The following MLX variants were observed in gnomAD, a reference collection of about 807,000 sequenced individuals.
MLX encodes the protein MAX dimerization protein MLX, also known as max-like protein X.
MLX carries 15 observed loss-of-function variants against 33.0 expected under a neutral mutation model. The observed-to-expected ratio is 0.45, with a 90% CI of 0.30 to 0.70. The LOEUF (loss-of-function observed/expected upper bound fraction) is 0.70. MLX is among the 30% of genes least tolerant of loss of function. The probability of loss-of-function intolerance (pLI) is 0.07; values close to 1 mark genes in which losing one functional copy is unlikely to be tolerated. For synonymous variants in MLX, 115 were observed against 115.6 expected (o/e 0.99, Z 0.03); for missense variants, 285 against 306.3 (o/e 0.93, Z 0.52).
In MLX at chr17:42,572,878, A is replaced by T; in HGVS notation, c.*1275A>T. On this transcript the variant is annotated 3_prime_UTR_variant, in exon 8 of 8. Coordinates refer to ENST00000435881, the MANE Select transcript of MLX (RefSeq NM_198204.2). ...AAAGGTGAAAGTAGCAGGAACAACAACAAAAGCCAACCAAAAACAAGGTAG... is the reference window on the plus strand; with the variant it reads ...AAAGGTGAAAGTAGCAGGAACAACATCAAAAGCCAACCAAAAACAAGGTAG... The T allele has an allele frequency of 6.7e-7, 1 of 1,488,576 alleles. No individual in the cohort carries two copies. Among genetic ancestry groups the T allele is most frequent in the Non-Finnish European group, 9.4e-7 (1 of 1,068,552 alleles). 92.2% of individuals were successfully genotyped at this position (1,488,576 alleles called of 1,614,324 possible).
intron 7 of MLX, 39 bp downstream of exon 7, chr17:42,570,222 C>G (rs562319813): frequency 1.2e-6 from 2 of 1,601,348 alleles, no homozygotes; most frequent in African/African-American, 2.7e-5. Context: ...GCGGTTTTCT[C>G]TACCATCAAG....
rs753204781 is a variant in MLX at position 42,572,818 on chromosome 17, C to G, written c.*1215C>G. The G allele has an allele frequency of 1.1e-6, 1 of 921,814 alleles. No homozygotes were observed. Among genetic ancestry groups the G allele is most frequent in the South Asian group, 1.4e-5 (1 of 72,502 alleles). The allele number at this position is 921,814 out of a possible 1,614,324, so 57.1% of individuals were successfully genotyped here. A position where few individuals can be genotyped will look rare whatever the true frequency, so the allele number is the denominator to read the frequency against. On this transcript the variant is annotated 3_prime_UTR_variant, in exon 8 of 8. Coordinates refer to ENST00000435881, the MANE Select transcript of MLX (RefSeq NM_198204.2). ...CAGCCCTCATCCTCTCTACCCAGTGCTCTGGTTTATGCTTGTCTCCTGACT... is the reference window on the plus strand; with the variant it reads ...CAGCCCTCATCCTCTCTACCCAGTGGTCTGGTTTATGCTTGTCTCCTGACT...
At position 42,572,045 on chromosome 17, in the gene MLX, C is replaced by T. The variant is rs2093035655; in HGVS notation, c.*442C>T. 1 of 253,212 alleles carries T rather than the reference C, an allele frequency of 3.9e-6. No homozygotes were observed. The highest frequency in any genetic ancestry group is 7.8e-6 in the Non-Finnish European group (1 of 127,478). 15.7% of individuals were successfully genotyped at this position (253,212 alleles called of 1,614,324 possible). ...TTTGGCCCAAGTTTGGGCATTTTGG[C>T]AGTAGCTGTATGGGAGAAAAAGAGT... On this transcript the variant is annotated 3_prime_UTR_variant, in exon 8 of 8. Coordinates refer to ENST00000435881, the MANE Select transcript of MLX (RefSeq NM_198204.2).
chr17:42,570,198 T>A lies in MLX; in HGVS notation c.678+15T>A. 1 of 1,612,456 alleles carries A rather than the reference T, an allele frequency of 6.2e-7. No individual in the cohort carries two copies. Among genetic ancestry groups the A allele is most frequent in the East Asian group, 2.2e-5 (1 of 44,896 alleles). Reference sequence around the variant, plus strand: ...GTAAGCCTCAGGTATGGGGCAACAATAGGCACAGGGTCTGCGGTTTTCTCT... The same window carrying A: ...GTAAGCCTCAGGTATGGGGCAACAAAAGGCACAGGGTCTGCGGTTTTCTCT... On this transcript the variant is annotated intron_variant, in intron 7 of 7. Coordinates refer to ENST00000435881, the MANE Select transcript of MLX (RefSeq NM_198204.2).
rs201177597 is a variant in MLX at position 42,567,569 on chromosome 17, C to G, written c.43-50C>G. On this transcript the variant is annotated intron_variant, in intron 1 of 7. Coordinates refer to ENST00000435881, the MANE Select transcript of MLX (RefSeq NM_198204.2). ...CGTGCCTGCAGTGGAAGGGGCGCCT[C>G]CCCCTAGGGGCGGAGGTCTGACGGG... is the stretch of plus-strand genomic sequence containing the variant. 5.3e-4 allele frequency: 857 copies of G among 1,611,348 alleles called. 3 individuals carry two copies. The African/African-American group carries it at 9.9e-3, about 19-fold the overall frequency.
chr17:42,571,478 C>A, intron 7 of MLX, 69 bp from the exon 8 acceptor site: 1 of 1,513,922 alleles, frequency 6.6e-7, no homozygotes, highest in Non-Finnish European at 9.2e-7. Context: ...CTGATCTAGG[C>A]AGGCATCTTG....
chr17:42,568,955 G>T lies in MLX; in HGVS notation c.276+12G>T. 1 of 1,601,472 alleles carries T rather than the reference G, an allele frequency of 6.2e-7. No homozygotes were observed. Among genetic ancestry groups the T allele is most frequent in the Non-Finnish European group, 8.5e-7 (1 of 1,173,210 alleles). ...GGGACGCCATCAAGGTGAACAGGGA[G>T]GCCTGTGCCTCAGCCAGTGCGGGAG... On this transcript the variant is annotated intron_variant, in intron 4 of 7. Coordinates refer to ENST00000435881, the MANE Select transcript of MLX (RefSeq NM_198204.2).
chr17:42,573,073 C>G lies in MLX; in HGVS notation c.*1470C>G, dbSNP rs1421038415. The G allele has an allele frequency of 6.2e-7, 1 of 1,614,052 alleles. No homozygotes were observed. Among genetic ancestry groups the G allele is most frequent in the Admixed American group, 1.7e-5 (1 of 60,006 alleles). On this transcript the variant is annotated 3_prime_UTR_variant, in exon 8 of 8. Coordinates refer to ENST00000435881, the MANE Select transcript of MLX (RefSeq NM_198204.2). Reference sequence around the variant, plus strand: ...ATGAGATGTCACCAGGATAAGACCACAGGGAAGCAAAGAAGGAAGAGAGCT... The same window carrying G: ...ATGAGATGTCACCAGGATAAGACCAGAGGGAAGCAAAGAAGGAAGAGAGCT...
rs1424407318 is a variant in MLX, at chr17:42,569,553, G to C, written c.423G>C (p.Glu141Asp). Residue 141 changes from glutamate to aspartate, a missense_variant, in exon 6 of 8, where the codon GAG becomes GAC. Physicochemically the swap from Glu to Asp is conservative, Grantham distance 45. Coordinates refer to ENST00000435881, the MANE Select transcript of MLX (RefSeq NM_198204.2). ...QFLHKEKKKQ[E>D]EEVSTLRKDV... ...TGCACAAGGAGAAGAAAAAGCAGGA[G>C]GAGGAGGTGTCCACGTTACGCAAGG... 4 of 1,614,118 alleles carry C rather than the reference G, an allele frequency of 2.5e-6. No individual in the cohort carries two copies. Among genetic ancestry groups the C allele is most frequent in the Non-Finnish European group, 3.4e-6 (4 of 1,180,016 alleles).
In MLX at chr17:42,572,057, G is replaced by A. The variant is rs2093035710; in HGVS notation, c.*454G>A. 7.8e-6 allele frequency: 2 copies of A among 257,568 alleles called. No homozygotes were observed. Among genetic ancestry groups the A allele is most frequent in the Non-Finnish European group, 1.5e-5 (2 of 130,206 alleles). 16.0% of individuals were successfully genotyped at this position (257,568 alleles called of 1,614,324 possible). On this transcript the variant is annotated 3_prime_UTR_variant, in exon 8 of 8. Transcript: ENST00000435881. ...TTGGGCATTTTGGCAGTAGCTGTAT[G>A]GGAGAAAAAGAGTAAGAGGAAATAT...
intron 2 of MLX, chr17:42,568,038 G>T: frequency 3.5e-6 from 1 of 281,800 alleles, no homozygotes; most frequent in Non-Finnish European, 6.8e-6. Flanking sequence ...GGTTGGCTTT[G>T]GGTTGAAGGG....
At chr17:42,568,256 G>C (rs2093016838) in intron 2 of MLX, 1 of 266,112 alleles carries the variant, frequency 3.8e-6, no homozygotes, top group Non-Finnish European at 7.3e-6. Context: ...CCAGCTACTC[G>C]GGAGGCTGAG....
chr17:42,571,298 T>C (rs1402227704), intron 7 of MLX, among the ~76,000 whole-genome samples: 1 of 152,056 alleles, frequency 6.6e-6, no homozygotes, highest in Non-Finnish European at 1.5e-5. Context: ...CCACCACACC[T>C]AATTTTTGTA....
intron 7 of MLX, 26 bp from the exon 8 acceptor site, chr17:42,571,521 A>G (rs1275601525): frequency 6.2e-7 from 1 of 1,613,306 alleles, no homozygotes; most frequent in Non-Finnish European, 8.5e-7. Flanking sequence ...GGCATTGTCT[A>G]TTTCTTCCTC....
chr17:42,568,659 C>A, intron 3 of MLX, 100 bp downstream of exon 3: 1 of 1,239,772 alleles, frequency 8.1e-7, no homozygotes, highest in Non-Finnish European at 1.2e-6. Flanking sequence ...CACAGGGGTG[C>A]TGGAGCCAAA....
chr17:42,568,014 G>T (rs1390680261), intron 2 of MLX: 2 of 317,746 alleles, frequency 6.3e-6, no homozygotes, highest in Non-Finnish European at 1.2e-5. Context: ...GGCAGGAAGT[G>T]GGGGGCCCAG....
At chr17:42,568,039 G>A in intron 2 of MLX, 1 of 281,564 alleles carries the variant, frequency 3.6e-6, no homozygotes, top group Non-Finnish European at 6.8e-6. Flanking sequence ...GTTGGCTTTG[G>A]GTTGAAGGGA....
In MLX at chr17:42,572,739, C is replaced by T. The variant is rs988838327; in HGVS notation, c.*1136C>T. The stretch of plus-strand genomic sequence containing the variant: ...GCATTGTTCCAAGTCTAAATGTTAA[C>T]CTCAAGCTACTGCAATTTAGACAAT... On this transcript the variant is annotated 3_prime_UTR_variant, in exon 8 of 8. Coordinates refer to ENST00000435881, the MANE Select transcript of MLX (RefSeq NM_198204.2). 4 of 654,800 alleles carry T rather than the reference C, an allele frequency of 6.1e-6. No individual in the cohort carries two copies. Among genetic ancestry groups the T allele is most frequent in the Admixed American group, 4.1e-5 (2 of 48,668 alleles). 40.6% of individuals were successfully genotyped at this position (654,800 alleles called of 1,614,324 possible). A position where few individuals can be genotyped will look rare whatever the true frequency, so the allele number is the denominator to read the frequency against.
rs935680622 is a variant in MLX, at chr17:42,567,774, C to T, written c.79+119C>T. On this transcript the variant is annotated intron_variant, in intron 2 of 7. Coordinates refer to ENST00000435881, the MANE Select transcript of MLX (RefSeq NM_198204.2). ...CACTCTCCCTGAGCAGAGTTCCTGG[C>T]TTGAGACAGCAGGAGCTGAAGGACA... 3.7e-6 allele frequency: 5 copies of T among 1,351,858 alleles called. No individual in the cohort carries two copies. In the African/African-American group the frequency reaches 7.2e-5, roughly 20 times the overall value. The allele number at this position is 1,351,858 out of a possible 1,614,324, so 83.7% of individuals were successfully genotyped here. A position where few individuals can be genotyped will look rare whatever the true frequency, so the allele number is the denominator to read the frequency against.
Sources: allele counts gnomAD v4.1 joint callset (sites outside exome capture counted in the v4.1 genomes callset), GRCh38; gene constraint gnomAD v4.1.1; transcripts MANE v1.5; gene names NCBI Gene and HGNC (gene_info 2026-07-23, HGNC 2026-07-21).